LRRC27: variants seen among roughly 807,000 people sequenced by gnomAD.
LRRC27 encodes the protein leucine rich repeat containing 27.
A neutral mutation model predicts 55.0 loss-of-function variants in LRRC27; 57 were observed. That is an observed-to-expected ratio of 1.04 (90% CI 0.84 to 1.29). LRRC27 has a LOEUF of 1.29. Among genes scored for constraint, LRRC27 ranks in the 50% most tolerant of loss-of-function variants. The pLI is 0.00. For synonymous variants in LRRC27, 278 were observed against 251.9 expected, an observed-to-expected ratio of 1.10 and a Z score of -0.98; for missense variants, 721 against 651.5, an observed-to-expected ratio of 1.11 and a Z score of -1.16.
chr10:132,349,287 G>A (rs879835156), intron 6 of LRRC27, among the ~76,000 whole-genome samples: 4 of 152,210 alleles, frequency 2.6e-5, no homozygotes, highest in Non-Finnish European at 2.9e-5. Flanking sequence ...CGTCCAGCAC[G>A]AGCAGGTTCA....
At chr10:132,346,668 A>T (rs981037016) in intron 5 of LRRC27, among the ~76,000 whole-genome samples, 10 of 152,206 alleles carry the variant, frequency 6.6e-5, no homozygotes, top group Non-Finnish European at 1.0e-4. Context: ...CCGTCTTAAA[A>T]AAATAAATAA....
At chr10:132,331,970 C>T (rs1450621805), upstream of LRRC27, 82 of 495,148 alleles carry the variant, frequency 1.7e-4, no homozygotes, top group Admixed American at 8.8e-5. Context: ...CCACACCCCG[C>T]CCCCTCCCGG....
rs573061220 is a variant in LRRC27, at chr10:132,363,667, AGAGCAGAAGAGACCGTGGGGCCT to A, written c.1290-1752_1290-1730del. On this transcript the variant is annotated intron_variant, in intron 9 of 10. Transcript: ENST00000368614. ...AAGCGCCTCACTGCACTCAGAGGCC[AGAGCAGAAGAGACCGTGGGGCCT>A]GAGCTTGGAAGGCCCAGGGCCTGGC... Among the ~76,000 whole-genome samples, 269 of 152,318 alleles carry A rather than the reference AGAGCAGAAGAGACCGTGGGGCCT, an allele frequency of 1.8e-3. 1 individual carries two copies. The highest frequency in any genetic ancestry group is 6.0e-3 in the African/African-American group (249 of 41,578).
Position 132,375,320 on chromosome 10 carries a change from T to A in LRRC27, c.*78T>A. 1 of 1,399,432 alleles carries A rather than the reference T, an allele frequency of 7.1e-7. No homozygotes were observed. The highest frequency in any genetic ancestry group is 9.7e-7 in the Non-Finnish European group (1 of 1,026,326). The allele number at this position is 1,399,432 out of a possible 1,614,324, so 86.7% of individuals were successfully genotyped here. A position where few individuals can be genotyped will look rare whatever the true frequency, so the allele number is the denominator to read the frequency against. On this transcript the variant is annotated 3_prime_UTR_variant, in exon 11 of 11. Transcript: ENST00000368614. The stretch of plus-strand genomic sequence containing the variant: ...TCTTTCCCGGGCGTCGCCTCCTGTG[T>A]GGTGCCGGAAGAGCGCCAGGTTCAG...
At chr10:132,355,076 C>CTTGTT (rs994793020) in intron 7 of LRRC27, among the ~76,000 whole-genome samples, 10 of 152,268 alleles carry the variant, frequency 6.6e-5, no homozygotes, top group East Asian at 3.9e-4. Context: ...CTGTTCTTGT[C>CTTGTT]TTGTTTTGTT....
At position 132,375,503 on chromosome 10, in the gene LRRC27, C is replaced by T. The variant is rs778293333; in HGVS notation, c.*261C>T. 8 of 384,088 alleles carry T rather than the reference C, an allele frequency of 2.1e-5. No homozygotes were observed. The highest frequency in any genetic ancestry group is 3.8e-5 in the Non-Finnish European group (8 of 211,996). The allele number at this position is 384,088 out of a possible 1,614,324, so 23.8% of individuals were successfully genotyped here. On this transcript the variant is annotated 3_prime_UTR_variant, in exon 11 of 11. Coordinates refer to ENST00000368614, the MANE Select transcript of LRRC27 (RefSeq NM_030626.3). ...TTCTTCCTGCAGGTTCCCGCCAAGC[C>T]ATGTGACAGAGTGCTCACACTCAGG... is the stretch of plus-strand genomic sequence containing the variant.
chr10:132,357,654 C>T (rs116808730), intron 8 of LRRC27, among the ~76,000 whole-genome samples: 13,712 of 152,058 alleles, frequency 0.09, 819 homozygotes, highest in African/African-American at 0.17. Context: ...GGGAGGGGGG[C>T]GCAGAGGAGG....
chr10:132,365,113 G>A (rs1268098146), intron 9 of LRRC27, among the ~76,000 whole-genome samples: 2 of 152,258 alleles, frequency 1.3e-5, no homozygotes, highest in African/African-American at 4.8e-5. Flanking sequence ...AGTGTGCAGT[G>A]TCCTAAATGT....
rs996984039 is a variant in LRRC27 at position 132,365,296 on chromosome 10, G to A, written c.1290-128G>A. The A allele has an allele frequency of 1.1e-5, 14 of 1,267,110 alleles. No individual in the cohort carries two copies. In the African/African-American group the frequency reaches 1.3e-4, roughly 12 times the overall value. The allele number at this position is 1,267,110 out of a possible 1,614,324, so 78.5% of individuals were successfully genotyped here. ...GCGCCACAGTAACTGGCACAGCTGTGCGGGAGCCTCAGGACCGCTGTTTGG... is the reference window on the plus strand; with the variant it reads ...GCGCCACAGTAACTGGCACAGCTGTACGGGAGCCTCAGGACCGCTGTTTGG... On this transcript the variant is annotated intron_variant, in intron 9 of 10. Coordinates refer to ENST00000368614, the MANE Select transcript of LRRC27 (RefSeq NM_030626.3).
upstream of LRRC27, among the ~76,000 whole-genome samples, chr10:132,331,999 A>T (rs1325592376): frequency 3.5e-5 from 4 of 114,722 alleles, no homozygotes; most frequent in African/African-American, 1.4e-4. Context: ...ACCACACCCG[A>T]CCCCCTGCCG....
chr10:132,362,868 T>A (rs902447472), intron 9 of LRRC27, among the ~76,000 whole-genome samples: 30 of 129,648 alleles, frequency 2.3e-4, no homozygotes, highest in Non-Finnish European at 4.5e-4. Flanking sequence ...CCCTCTCACC[T>A]CACAGCTGCT....
chr10:132,335,635 T>C (rs2138597993), intron 2 of LRRC27, among the ~76,000 whole-genome samples: 1 of 151,688 alleles, frequency 6.6e-6, no homozygotes, highest in African/African-American at 2.4e-5. Flanking sequence ...GGCTGTACGG[T>C]GCAGGTTCCT....
At chr10:132,332,746 GC>G (rs1277908218) in intron 1 of LRRC27, among the ~76,000 whole-genome samples, 1 of 145,490 alleles carries the variant, frequency 6.9e-6, no homozygotes, top group Non-Finnish European at 1.6e-5. Context: ...AATTAACTGC[GC>G]CCCTGGAACA....
chr10:132,354,152 G>T (rs781538612), intron 7 of LRRC27, among the ~76,000 whole-genome samples: 1 of 152,196 alleles, frequency 6.6e-6, no homozygotes, highest in Non-Finnish European at 1.5e-5. Context: ...GGCAGAAAGG[G>T]CACTCTTACC....
intron 8 of LRRC27, 38 bp from the exon 9 acceptor site, chr10:132,361,419 A>T: frequency 6.7e-7 from 1 of 1,498,588 alleles, no homozygotes; most frequent in Non-Finnish European, 9.3e-7. Context: ...AACATCATCT[A>T]CTGGGATTCC....
chr10:132,359,446 T>C (rs1207747193), intron 8 of LRRC27, among the ~76,000 whole-genome samples: 2 of 152,180 alleles, frequency 1.3e-5, no homozygotes, highest in African/African-American at 4.8e-5. Flanking sequence ...CCCAGCTCCC[T>C]GCAGCTGGGC....
intron 7 of LRRC27, chr10:132,352,809 G>A (rs2068117024): frequency 1.9e-5 from 29 of 1,552,356 alleles, no homozygotes; most frequent in African/African-American, 4.1e-5. Context: ...CCTTGTGTCC[G>A]TCTTTGCCCT....
chr10:132,369,166 G>A (rs1360276663), intron 10 of LRRC27, among the ~76,000 whole-genome samples: 1 of 152,216 alleles, frequency 6.6e-6, no homozygotes, highest in African/African-American at 2.4e-5. Flanking sequence ...CTCATTAATT[G>A]TTGGGAATAG....
chr10:132,335,950 C>T (rs1384038288), intron 2 of LRRC27, among the ~76,000 whole-genome samples: 1 of 152,180 alleles, frequency 6.6e-6, no homozygotes, highest in Non-Finnish European at 1.5e-5. Flanking sequence ...GAATGGCCAA[C>T]AAGCAGGCAT....
Sources: allele counts gnomAD v4.1 joint callset (sites outside exome capture counted in the v4.1 genomes callset), GRCh38; gene constraint gnomAD v4.1.1; transcripts MANE v1.5; gene names NCBI Gene and HGNC (gene_info 2026-07-23, HGNC 2026-07-21).